GTF2IRD2B: variants seen among roughly 807,000 people sequenced by gnomAD.
GTF2IRD2B encodes GTF2I repeat domain containing 2B.
A neutral mutation model predicts 55.6 loss-of-function variants in GTF2IRD2B; 10 were observed. That is an observed-to-expected ratio of 0.18 (90% CI 0.11 to 0.31). The LOEUF (loss-of-function observed/expected upper bound fraction) is 0.31, where lower values mean the gene tolerates loss of function less well. GTF2IRD2B is among the 10% of genes least tolerant of loss of function. The pLI, the probability that GTF2IRD2B is intolerant of heterozygous loss-of-function variation, is 1.00. For missense variants in GTF2IRD2B, 206 were observed against 802.7 expected (o/e 0.26, Z 8.98); for synonymous variants, 107 against 320.5 (o/e 0.33, Z 7.12).
chr7:75,122,864 A>C (rs1808424269), intron 4 of GTF2IRD2B, among the ~76,000 whole-genome samples: 1 of 151,030 alleles, frequency 6.6e-6, no homozygotes, highest in Non-Finnish European at 1.5e-5. Flanking sequence ...TCTGGACAAC[A>C]TGGTGAAACC....
rs1443205108 is a variant in GTF2IRD2B, at chr7:75,116,834, G to A, written c.239-4057G>A. On this transcript the variant is annotated intron_variant, in intron 3 of 15. Transcript: ENST00000472837. ...ATTTTTGTATTTTTTTAGTAGAGGTGGGGTTTCACCACATTGGCCAGCATA... is the reference window on the plus strand; with the variant it reads ...ATTTTTGTATTTTTTTAGTAGAGGTAGGGTTTCACCACATTGGCCAGCATA... Among the ~76,000 whole-genome samples the A allele has an allele frequency of 4.7e-5, 7 of 150,494 alleles. No homozygotes were observed. The South Asian group carries it at 8.4e-4, about 18-fold the overall frequency.
Position 75,121,027 on chromosome 7 carries a change from G to C in GTF2IRD2B, c.358+17G>C, listed in dbSNP as rs587694916. On this transcript the variant is annotated intron_variant, in intron 4 of 15. Coordinates refer to ENST00000472837, the MANE Select transcript of GTF2IRD2B (RefSeq NM_001003795.3). Reference sequence around the variant, plus strand: ...TTTGTTATGGTAACGTTCACTTTAAGCATTAATTCTATTTTTTTTTTTTTT... The same window carrying C: ...TTTGTTATGGTAACGTTCACTTTAACCATTAATTCTATTTTTTTTTTTTTT... The C allele has an allele frequency of 6.2e-7, 1 of 1,613,072 alleles. No homozygotes were observed. Among genetic ancestry groups the C allele is most frequent in the Admixed American group, 1.7e-5 (1 of 59,788 alleles).
intron 8 of GTF2IRD2B, among the ~76,000 whole-genome samples, chr7:75,126,922 G>A (rs587757784): frequency 2.7e-5 from 4 of 150,036 alleles, no homozygotes; most frequent in African/African-American, 4.9e-5. Context: ...GCTTGAGCCC[G>A]GGAGGTGGAG....
At position 75,112,743 on chromosome 7, in the gene GTF2IRD2B, G is replaced by A. The variant is rs1808015671; in HGVS notation, c.238+208G>A. On this transcript the variant is annotated intron_variant, in intron 3 of 15. Coordinates refer to ENST00000472837, the MANE Select transcript of GTF2IRD2B (RefSeq NM_001003795.3). ...TTTTATTTTATACTAGGTCCTCAGC[G>A]GTACTCTGGTTTATTAGAATAAATT... is the stretch of plus-strand genomic sequence containing the variant. 15 of 650,740 alleles carry A rather than the reference G, an allele frequency of 2.3e-5. 1 individual carries two copies. The highest frequency in any genetic ancestry group is 1.7e-4 in the East Asian group (6 of 34,952). 40.3% of individuals were successfully genotyped at this position (650,740 alleles called of 1,614,324 possible).
At chr7:75,119,904 G>A (rs1355571527) in intron 3 of GTF2IRD2B, among the ~76,000 whole-genome samples, 4 of 120,896 alleles carry the variant, frequency 3.3e-5, no homozygotes, top group South Asian at 4.8e-4. Context: ...CGAGGCAGGC[G>A]GATCACGAGG....
intron 1 of GTF2IRD2B, among the ~76,000 whole-genome samples, chr7:75,104,611 G>A (rs1807710044): frequency 1.3e-5 from 2 of 152,270 alleles, no homozygotes; most frequent in African/African-American, 4.8e-5. Context: ...ACAAAATAAA[G>A]ATTACGAATG....
chr7:75,136,338 A>C (rs1416380355), intron 10 of GTF2IRD2B, among the ~76,000 whole-genome samples: 1 of 145,570 alleles, frequency 6.9e-6, no homozygotes, highest in African/African-American at 2.6e-5. Context: ...TCACCCTGTC[A>C]CCCAGGCTGG....
chr7:75,114,221 T>C lies in GTF2IRD2B; in HGVS notation c.238+1686T>C, dbSNP rs587736145. ...AGACAGATTAAAAAATGAAGCCATC[T>C]TTAAATAATACAGTATGTAACTGAT... On this transcript the variant is annotated intron_variant, in intron 3 of 15. Transcript: ENST00000472837. Among the ~76,000 whole-genome samples, 249 of 151,588 alleles carry C rather than the reference T, an allele frequency of 1.6e-3. 2 individuals carry two copies. The highest frequency in any genetic ancestry group is 5.9e-3 in the African/African-American group (243 of 41,318).
chr7:75,096,588 C>CT (rs1294636989), intron 1 of GTF2IRD2B, among the ~76,000 whole-genome samples: 141 of 96,658 alleles, frequency 1.5e-3, no homozygotes, highest in African/African-American at 1.9e-3. Context: ...CACGCCTGTC[C>CT]TTTTTTTTTG....
Position 75,147,785 on chromosome 7 carries a change from A to G in GTF2IRD2B, c.1338A>G (p.Thr446=), listed in dbSNP as rs201295704. The G allele has an allele frequency of 2.8e-3, 3,311 of 1,186,668 alleles. 21 individuals are homozygous for G. Among genetic ancestry groups the G allele is most frequent in the South Asian group, 0.02 (1,647 of 82,182 alleles). The allele number at this position is 1,186,668 out of a possible 1,614,324, so 73.5% of individuals were successfully genotyped here. A position where few individuals can be genotyped will look rare whatever the true frequency, so the allele number is the denominator to read the frequency against. ...TCGTGGAAGTACAGAATATTCCAAC[A>G]TGTCTCATATGCAAACAAAGCATGT... ...YFFVEVQNIP[T]CLICKQSMSV... The change falls in exon 16 of 16, where the codon ACA becomes ACG. Residue 446 remains threonine, a synonymous_variant. Transcript: ENST00000472837.
intron 1 of GTF2IRD2B, among the ~76,000 whole-genome samples, chr7:75,104,743 T>G (rs587617836): frequency 6.6e-6 from 1 of 152,396 alleles, no homozygotes; most frequent in African/African-American, 2.4e-5. Context: ...GCTTGGTGAG[T>G]GGAATCTAGA....
rs1554450876 is a variant in GTF2IRD2B at position 75,112,555 on chromosome 7, C to G, written c.238+20C>G. ...AATACTGTAGGTGTTTTAATTTTAT[C>G]CTTTGTATTCCCAATCTCAAAAGGA... On this transcript the variant is annotated intron_variant, in intron 3 of 15. Coordinates refer to ENST00000472837, the MANE Select transcript of GTF2IRD2B (RefSeq NM_001003795.3). The G allele has an allele frequency of 1.0e-6, 1 of 1,001,732 alleles. No homozygotes were observed. Among genetic ancestry groups the G allele is most frequent in the Middle Eastern group, 3.1e-4 (1 of 3,178 alleles). 62.1% of individuals were successfully genotyped at this position (1,001,732 alleles called of 1,614,324 possible).
At chr7:75,147,498 G>C (rs1264735678) in intron 15 of GTF2IRD2B, among the ~76,000 whole-genome samples, 196 bp from the exon 16 acceptor site, 2 of 152,050 alleles carry the variant, frequency 1.3e-5, no homozygotes, top group African/African-American at 4.8e-5. Flanking sequence ...TCTGGCCACA[G>C]CTGGCGTCCT....
intron 1 of GTF2IRD2B, among the ~76,000 whole-genome samples, chr7:75,104,053 CAAAA>C (rs587607735): frequency 3.9e-3 from 340 of 87,658 alleles, no homozygotes; most frequent in Non-Finnish European, 6.5e-3. Flanking sequence ...GACTCCGTCT[CAAAA>C]AAAAAAAAAA....
chr7:75,133,513 G>A (rs1267469942), intron 9 of GTF2IRD2B, among the ~76,000 whole-genome samples: 7 of 146,510 alleles, frequency 4.8e-5, no homozygotes, highest in South Asian at 4.2e-4. Flanking sequence ...GATTATAGGC[G>A]TGAGCCACCA....
intron 15 of GTF2IRD2B, chr7:75,146,996 T>A (rs1240014447): frequency 2.5e-5 from 4 of 157,484 alleles, no homozygotes; most frequent in Non-Finnish European, 4.2e-5. Context: ...TAGCTCGGTG[T>A]GGTGCATGCC....
intron 8 of GTF2IRD2B, among the ~76,000 whole-genome samples, chr7:75,132,831 G>A (rs1224338438): frequency 2.0e-5 from 3 of 149,308 alleles, no homozygotes; most frequent in South Asian, 2.1e-4. Context: ...GGTATTGGAG[G>A]CATGAGTCAC....
intron 3 of GTF2IRD2B, among the ~76,000 whole-genome samples, chr7:75,115,695 A>T (rs1554451240): frequency 6.7e-6 from 1 of 148,706 alleles, no homozygotes; most frequent in Non-Finnish European, 1.5e-5. Flanking sequence ...AGCCTCCCAA[A>T]AGTTCTGGGA....
At chr7:75,104,574 C>A (rs1193506577) in intron 1 of GTF2IRD2B, among the ~76,000 whole-genome samples, 7 of 152,226 alleles carry the variant, frequency 4.6e-5, no homozygotes, top group African/African-American at 1.7e-4. Flanking sequence ...TACTTCTACG[C>A]CCTTTTCTCT....
Sources: allele counts gnomAD v4.1 joint callset (sites outside exome capture counted in the v4.1 genomes callset), GRCh38; gene constraint gnomAD v4.1.1; transcripts MANE v1.5; gene names NCBI Gene and HGNC (gene_info 2026-07-23, HGNC 2026-07-21).